GET4: variants seen among roughly 807,000 people sequenced by gnomAD.
The protein encoded by GET4 is guided entry of tail-anchored proteins factor 4.
Under a neutral mutation model 40.0 loss-of-function variants are expected in GET4, and 20 were observed. That is an observed-to-expected ratio of 0.50 (90% CI 0.35 to 0.73). The LOEUF (loss-of-function observed/expected upper bound fraction) is 0.73, where lower values mean the gene tolerates loss of function less well. Among genes scored for constraint, GET4 ranks in the 30% least tolerant of loss-of-function variants. GET4 has a pLI of 0.01. For missense variants in GET4, 557 were observed against 454.0 expected (o/e 1.23, Z -2.06); for synonymous variants, 280 against 194.6 (o/e 1.44, Z -3.65).
At position 891,079 on chromosome 7, in the gene GET4, G is replaced by A. The variant is rs769687204; in HGVS notation, c.605+13G>A. 1 of 1,573,306 alleles carries A rather than the reference G, an allele frequency of 6.4e-7. No homozygotes were observed. Among genetic ancestry groups the A allele is most frequent in the Non-Finnish European group, 8.7e-7 (1 of 1,155,746 alleles). ...AGGCCGTGCTACAGTAGGTGTCTGT[G>A]GCTCTTCGGGTCTCGGCTTCCATTG... On this transcript the variant is annotated intron_variant, in intron 5 of 8. Coordinates refer to ENST00000265857, the MANE Select transcript of GET4 (RefSeq NM_015949.3).
intron 8 of GET4, among the ~76,000 whole-genome samples, chr7:894,958 C>T (rs958325639): frequency 1.3e-5 from 2 of 152,274 alleles, no homozygotes; most frequent in South Asian, 2.1e-4. Context: ...TCTACAGCCC[C>T]ACTTCTCTGC....
At chr7:879,920 C>T (rs1358366329) in intron 1 of GET4, 3 of 152,216 alleles carry the variant, frequency 2.0e-5, no homozygotes, top group Non-Finnish European at 2.9e-5. Flanking sequence ...TGTCAGGAGG[C>T]ACTAAACCGT....
At chr7:885,261 C>G (rs1367850003) in intron 1 of GET4, 2 of 152,286 alleles carry the variant, frequency 1.3e-5, no homozygotes, top group Non-Finnish European at 2.9e-5. Flanking sequence ...TGGGCCCCAC[C>G]ACTGGACTGG....
Position 877,574 on chromosome 7 carries a change from G to T in GET4, c.155+774G>T, listed in dbSNP as rs188856427. Among the ~76,000 whole-genome samples, 172 of 119,788 alleles carry T rather than the reference G, an allele frequency of 1.4e-3. 2 individuals are homozygous for T. Among genetic ancestry groups the T allele is most frequent in the Non-Finnish European group, 2.5e-3 (144 of 58,768 alleles). 78.6% of individuals were successfully genotyped at this position (119,788 alleles called of 152,430 possible). On this transcript the variant is annotated intron_variant, in intron 1 of 8. Transcript: ENST00000265857. ...GCCTACCACTGTCCTCGTCCCTTTC[G>T]GCTTCCCTCTCCTAGCCTCCACCTC...
chr7:885,937 G>T lies in GET4; in HGVS notation c.156-119G>T, dbSNP rs570049286. The T allele has an allele frequency of 8.0e-5, 57 of 715,976 alleles. 1 individual carries two copies. The highest frequency in any genetic ancestry group is 6.8e-4 in the South Asian group (45 of 66,322). 44.4% of individuals were successfully genotyped at this position (715,976 alleles called of 1,614,324 possible). A position where few individuals can be genotyped will look rare whatever the true frequency, so the allele number is the denominator to read the frequency against. On this transcript the variant is annotated intron_variant, in intron 1 of 8. Transcript: ENST00000265857. ...CAGCACCTGGGCCCTGGGAGCGGCT[G>T]CTTTTAGGATGCCACCTGTTCCTGG... is the stretch of plus-strand genomic sequence containing the variant.
In GET4 at chr7:895,394, G is replaced by C; in HGVS notation, c.956G>C (p.Ser319Thr). 1 of 1,594,154 alleles carries C rather than the reference G, an allele frequency of 6.3e-7. No individual in the cohort carries two copies. The highest frequency in any genetic ancestry group is 8.6e-7 in the Non-Finnish European group (1 of 1,163,630). Residue 319 changes from serine (S) to threonine (T), a missense_variant, in exon 9 of 9, where the codon AGC (serine) becomes ACC (threonine). Coordinates refer to ENST00000265857, the MANE Select transcript of GET4 (RefSeq NM_015949.3). ...SEQEDGEESP[S>T]DGSPIELD The stretch of plus-strand genomic sequence containing the variant: ...CAGGAGGATGGGGAGGAGAGCCCCA[G>C]CGACGGCAGCCCCATCGAGCTGGAC...
intron 1 of GET4, among the ~76,000 whole-genome samples, chr7:879,071 G>C (rs1431079669): frequency 2.6e-5 from 4 of 152,130 alleles, no homozygotes; most frequent in Non-Finnish European, 5.9e-5. Flanking sequence ...AGAGCATCAC[G>C]CAGTGCAGCT....
chr7:877,773 C>T (rs1166950502), intron 1 of GET4: 2 of 77,512 alleles, frequency 2.6e-5, no homozygotes, highest in Non-Finnish European at 5.2e-5. Context: ...CTCCCTTGGC[C>T]CCCACCTGTT....
intron 1 of GET4, chr7:884,391 TG>T: frequency 1.5e-6 from 2 of 1,293,866 alleles, no homozygotes; most frequent in Non-Finnish European, 2.0e-6. Context: ...GCTGTGGTGT[TG>T]GGGTGGGTCT....
chr7:886,791 A>T (rs570001384), intron 3 of GET4, 141 bp downstream of exon 3: 138 of 651,454 alleles, frequency 2.1e-4, no homozygotes, highest in African/African-American at 6.8e-4. Flanking sequence ...GGCAGTTCCC[A>T]CCCGGTCTCA....
intron 5 of GET4, among the ~76,000 whole-genome samples, chr7:891,453 C>T (rs1276813854): frequency 6.6e-6 from 1 of 152,040 alleles, no homozygotes; most frequent in African/African-American, 2.4e-5. Context: ...CTGGGGCGTC[C>T]TGCAGGCCAG....
At chr7:894,257 C>A (rs932453173) in intron 8 of GET4, among the ~76,000 whole-genome samples, 1 of 152,164 alleles carries the variant, frequency 6.6e-6, no homozygotes, top group African/African-American at 2.4e-5. Context: ...GCTCCCCCGT[C>A]TCTCTGTGCG....
rs769035295 is a variant in GET4 at position 893,736 on chromosome 7, C to T, written c.747-4C>T. ...CAGCACATCCCTGTGTGTCTCTGTCCCAGTGGGAAGCTGACGGTGTTCACT... is the reference window on the plus strand; with the variant it reads ...CAGCACATCCCTGTGTGTCTCTGTCTCAGTGGGAAGCTGACGGTGTTCACT... On this transcript the variant is annotated splice_region_variant and splice_polypyrimidine_tract_variant and intron_variant, in intron 6 of 8. Transcript: ENST00000265857. 4 of 1,593,936 alleles carry T rather than the reference C, an allele frequency of 2.5e-6. No homozygotes were observed. Among genetic ancestry groups the T allele is most frequent in the Non-Finnish European group, 2.6e-6 (3 of 1,164,560 alleles).
chr7:891,716 C>T (rs1562897279), intron 5 of GET4, among the ~76,000 whole-genome samples: 1 of 152,272 alleles, frequency 6.6e-6, no homozygotes, highest in Non-Finnish European at 1.5e-5. Context: ...GACAGACATC[C>T]TCTGACCTCA....
intron 6 of GET4, 44 bp from the exon 7 acceptor site, chr7:893,696 C>G (rs1201766505): frequency 7.6e-7 from 1 of 1,316,710 alleles, no homozygotes; most frequent in East Asian, 2.3e-5. Context: ...TGAGTGTGGT[C>G]CTGTTCTGCT....
intron 6 of GET4, 108 bp from the exon 7 acceptor site, chr7:893,632 G>T (rs1269608100): frequency 1.5e-6 from 1 of 679,596 alleles, no homozygotes; most frequent in Non-Finnish European, 2.6e-6. Flanking sequence ...TTGGGCGCGG[G>T]CGTGGTGGTG....
At chr7:890,505 T>A (rs1007313799) in intron 4 of GET4, among the ~76,000 whole-genome samples, 1 of 151,898 alleles carries the variant, frequency 6.6e-6, no homozygotes, top group African/African-American at 2.4e-5. Context: ...GGTTGTTGGG[T>A]CAGTGTGGTG....
intron 1 of GET4, among the ~76,000 whole-genome samples, chr7:879,584 CA>C (rs909751061): frequency 5.9e-5 from 9 of 152,206 alleles, no homozygotes; most frequent in Admixed American, 3.9e-4. Flanking sequence ...ACCTGAAGGG[CA>C]GCCTTGTTTC....
chr7:883,766 G>T, intron 1 of GET4: 8 of 987,978 alleles, frequency 8.1e-6, no homozygotes, highest in Non-Finnish European at 9.6e-6. Flanking sequence ...TAGTCACCTG[G>T]AAACCAAAAT....
Sources: allele counts gnomAD v4.1 joint callset (sites outside exome capture counted in the v4.1 genomes callset), GRCh38; gene constraint gnomAD v4.1.1; transcripts MANE v1.5; gene names NCBI Gene and HGNC (gene_info 2026-07-23, HGNC 2026-07-21).